NCAPH: variants seen among roughly 807,000 people sequenced by gnomAD.
NCAPH encodes non-SMC condensin I complex subunit H, also known as condensin complex subunit 2.
Under a neutral mutation model 85.5 loss-of-function variants are expected in NCAPH, and 38 were observed. That is an observed-to-expected ratio of 0.44 (90% CI 0.34 to 0.58). NCAPH has a LOEUF of 0.58. NCAPH is among the 20% of genes least tolerant of loss of function. NCAPH has a pLI of 0.01. For synonymous variants in NCAPH, 301 were observed against 335.1 expected, an observed-to-expected ratio of 0.90 and a Z score of 1.11; for missense variants, 789 against 916.6, an observed-to-expected ratio of 0.86 and a Z score of 1.80.
At chr2:96,353,108 G>T (rs775249802) in intron 7 of NCAPH, among the ~76,000 whole-genome samples, 198 bp from the exon 8 acceptor site, 2 of 152,218 alleles carry the variant, frequency 1.3e-5, no homozygotes, top group Admixed American at 1.3e-4. Context: ...TGTGGCCGAC[G>T]CATCTGCTCG....
chr2:96,353,836 A>T (rs1230559575), intron 8 of NCAPH, among the ~76,000 whole-genome samples: 1 of 152,078 alleles, frequency 6.6e-6, no homozygotes, highest in Non-Finnish European at 1.5e-5. Context: ...TATTTTTAGC[A>T]TGGCCCCCTT....
In NCAPH at chr2:96,376,246, GAATTTGCAAGATAGAATTTGC is replaced by G. The variant is rs2064830548; in HGVS notation, c.*2907_*2927del. Among the ~76,000 whole-genome samples the G allele has an allele frequency of 6.6e-6, 1 of 152,224 alleles. No homozygotes were observed. Among genetic ancestry groups the G allele is most frequent in the East Asian group, 1.9e-4 (1 of 5,190 alleles). On this transcript the variant is annotated 3_prime_UTR_variant, in exon 18 of 18. Coordinates refer to ENST00000240423, the MANE Select transcript of NCAPH (RefSeq NM_015341.5). ...ACAGAACCAGAATTTAAGGGCAGGA[GAATTTGCAAGATAGAATTTGC>G]AATTTGCAAGAGGGAATTGCAATTT...
chr2:96,358,330 A>G (rs747877079), intron 9 of NCAPH, among the ~76,000 whole-genome samples: 1 of 152,152 alleles, frequency 6.6e-6, no homozygotes, highest in Non-Finnish European at 1.5e-5. Flanking sequence ...TCATTTACAG[A>G]AGGATGGTGA....
Position 96,360,200 on chromosome 2 carries a change from T to C in NCAPH, c.1415T>C (p.Ile472Thr). Residue 472 changes from isoleucine (I) to threonine (T), a missense_variant, in exon 11 of 18, where the codon ATT becomes ACT. By Grantham distance (89) the Ile-to-Thr change is moderately conservative. Transcript: ENST00000240423. Reference protein sequence around the residue: ...KKKSTKKDFEIDFEDDIDFDV... With the variant: ...KKKSTKKDFETDFEDDIDFDV... ...AAGAGTACAAAAAAAGATTTTGAAA[T>C]TGACTTTGAAGATGATATTGACTTT... 3.8e-6 allele frequency: 6 copies of C among 1,590,392 alleles called. No individual in the cohort carries two copies. Among genetic ancestry groups the C allele is most frequent in the Admixed American group, 1.7e-5 (1 of 59,262 alleles).
rs2104453428 is a variant in NCAPH at position 96,353,184 on chromosome 2, T to C, written c.911-122T>C. 3 of 770,240 alleles carry C rather than the reference T, an allele frequency of 3.9e-6. No homozygotes were observed. In the Admixed American group the frequency reaches 7.3e-5, roughly 19 times the overall value. 47.7% of individuals were successfully genotyped at this position (770,240 alleles called of 1,614,324 possible). ...CCACTGATGATACTTGAGCCTTTGC[T>C]GGAGGACAGTGAGGTAACTGTGCCT... On this transcript the variant is annotated intron_variant, in intron 7 of 17. Coordinates refer to ENST00000240423, the MANE Select transcript of NCAPH (RefSeq NM_015341.5).
At chr2:96,360,880 G>A (rs556924852) in intron 12 of NCAPH, among the ~76,000 whole-genome samples, 170 bp downstream of exon 12, 3 of 152,228 alleles carry the variant, frequency 2.0e-5, no homozygotes, top group African/African-American at 7.2e-5. Context: ...AAAAGGAAAG[G>A]CTTATATGAT....
chr2:96,353,480 T>A, intron 8 of NCAPH, 83 bp downstream of exon 8: 1 of 1,195,894 alleles, frequency 8.4e-7, no homozygotes, highest in Non-Finnish European at 1.2e-6. Flanking sequence ...AACTGTGGCA[T>A]CATCTTTATT....
rs1289143875 is a variant in NCAPH, at chr2:96,376,824, A to G, written c.*3473A>G. Among the ~76,000 whole-genome samples the G allele has an allele frequency of 6.6e-6, 1 of 152,148 alleles. No individual in the cohort carries two copies. Among genetic ancestry groups the G allele is most frequent in the Non-Finnish European group, 1.5e-5 (1 of 68,020 alleles). On this transcript the variant is annotated 3_prime_UTR_variant, in exon 18 of 18. Coordinates refer to ENST00000240423, the MANE Select transcript of NCAPH (RefSeq NM_015341.5). ...TTTTTGGGGGAATTGGGGATCATTT[A>G]TGGGTACCAAAAGAAAAAAAAATGA... is the stretch of plus-strand genomic sequence containing the variant.
At chr2:96,340,811 C>G (rs373896849) in intron 1 of NCAPH, among the ~76,000 whole-genome samples, 4 of 97,648 alleles carry the variant, frequency 4.1e-5, no homozygotes, top group South Asian at 3.4e-4. Flanking sequence ...TGGTTGTTAT[C>G]TTTTAAGTTA....
At chr2:96,339,192 T>C (rs2064257689) in intron 1 of NCAPH, among the ~76,000 whole-genome samples, 1 of 152,264 alleles carries the variant, frequency 6.6e-6, no homozygotes, top group African/African-American at 2.4e-5. Context: ...TGCTTCATTC[T>C]TTCTACCATG....
chr2:96,338,959 C>G (rs535127315), intron 1 of NCAPH, among the ~76,000 whole-genome samples: 2 of 152,086 alleles, frequency 1.3e-5, no homozygotes, highest in Non-Finnish European at 2.9e-5. Context: ...TACAGGCACC[C>G]GCCACTGCGC....
chr2:96,361,355 C>T (rs1376427406), intron 12 of NCAPH, among the ~76,000 whole-genome samples: 1 of 151,970 alleles, frequency 6.6e-6, no homozygotes, highest in African/African-American at 2.4e-5. Context: ...CACCTGATTC[C>T]TTGGCTTTCT....
rs754175265 is a variant in NCAPH, at chr2:96,369,046, G to A, written c.2073G>A (p.Thr691=). Residue 691 remains threonine (T), a synonymous_variant, in exon 16 of 18, where the codon ACG becomes ACA. Coordinates refer to ENST00000240423, the MANE Select transcript of NCAPH (RefSeq NM_015341.5). ...ACGAGAAGATGCTTAGCGGGCTCAC[G>A]AAGGACCTGCAGAGGAGGTGCGGGC... The part of the protein sequence containing the change: ...VADEKMLSGL[T]KDLQRSLPPV... The A allele has an allele frequency of 1.4e-5, 22 of 1,555,302 alleles. No homozygotes were observed. Among genetic ancestry groups the A allele is most frequent in the Middle Eastern group, 1.7e-4 (1 of 6,014 alleles).
chr2:96,352,906 T>G (rs576444466), intron 7 of NCAPH, among the ~76,000 whole-genome samples: 22 of 152,250 alleles, frequency 1.4e-4, no homozygotes, highest in Non-Finnish European at 3.1e-4. Context: ...AGTTTGGGAC[T>G]AAAAATAAGT....
At chr2:96,357,824 A>C (rs1306076494) in intron 9 of NCAPH, among the ~76,000 whole-genome samples, 1 of 152,190 alleles carries the variant, frequency 6.6e-6, no homozygotes, top group Non-Finnish European at 1.5e-5. Context: ...CATATGGCTT[A>C]TATAAACGGG....
rs142891355 is a variant in NCAPH, at chr2:96,338,508, C to T, written c.19+2660C>T. 2.7e-3 allele frequency among the ~76,000 whole-genome samples: 411 copies of T among 152,280 alleles called. 4 individuals are homozygous for T. In the Middle Eastern group the frequency reaches 0.027, roughly 10 times the overall value. On this transcript the variant is annotated intron_variant, in intron 1 of 17. Transcript: ENST00000240423. ...CAGAACCTGTGAATATGTTATCTTA[C>T]GTGGTGAAAGAGACTTTGCTCATGT...
chr2:96,349,526 C>T (rs528252309), intron 6 of NCAPH, among the ~76,000 whole-genome samples: 10 of 152,224 alleles, frequency 6.6e-5, no homozygotes, highest in South Asian at 6.2e-4. Context: ...GGATTACAGA[C>T]GTGCACCACC....
chr2:96,356,389 C>G (rs1281833621), intron 9 of NCAPH, among the ~76,000 whole-genome samples: 1 of 152,160 alleles, frequency 6.6e-6, no homozygotes, highest in Non-Finnish European at 1.5e-5. Flanking sequence ...CCATAAAATG[C>G]AAGGTTGGGA....
chr2:96,360,245 C>A lies in NCAPH; in HGVS notation c.1460C>A (p.Thr487Lys). 1 of 1,463,588 alleles carries A rather than the reference C, an allele frequency of 6.8e-7. No homozygotes were observed. The allele number at this position is 1,463,588 out of a possible 1,614,324, so 90.7% of individuals were successfully genotyped here. ...DIDFDVYFRK[T>K]KAATILTKST... is the part of the protein sequence containing the mutation. ...GACTTTGATGTATATTTTAGAAAAA[C>A]AAAGGTTTGTACTGAATTTATTAGG... The change falls in exon 11 of 18, where the codon ACA (threonine) becomes AAA (lysine). Residue 487 changes from threonine to lysine, a missense_variant. Coordinates refer to ENST00000240423, the MANE Select transcript of NCAPH (RefSeq NM_015341.5).
Sources: gnomAD v4.1 joint callset for allele counts (sites outside exome capture counted in the v4.1 genomes callset) on GRCh38, gnomAD v4.1.1 for gene constraint, MANE v1.5 for transcripts, NCBI Gene and HGNC (gene_info 2026-07-23, HGNC 2026-07-21) for gene names.